The following AKR1B10 variants were observed in gnomAD, a reference collection of about 807,000 sequenced individuals.
The protein encoded by AKR1B10 is ARP.
A neutral mutation model predicts 38.9 loss-of-function variants in AKR1B10; 39 were observed. That is an observed-to-expected ratio of 1.00 (90% confidence interval 0.78 to 1.31). The LOEUF (loss-of-function observed/expected upper bound fraction) is 1.31. Ranked by LOEUF, AKR1B10 falls within the 50% of genes most tolerant of loss-of-function variation. The probability of loss-of-function intolerance (pLI) is 0.00; values close to 1 mark genes in which losing one functional copy is unlikely to be tolerated. For missense variants in AKR1B10, 361 were observed against 382.6 expected (o/e 0.94, Z 0.47); for synonymous variants, 148 against 141.2 (o/e 1.05, Z -0.34).
At chr7:134,528,040 C>G in intron 1 of AKR1B10, 63 bp downstream of exon 1, 1 of 1,588,522 alleles carries the variant, frequency 6.3e-7, no homozygotes, top group Non-Finnish European at 8.6e-7. Flanking sequence ...TTTTCTCTTT[C>G]TGCATTCAGC....
chr7:134,528,067 T>G, intron 1 of AKR1B10, 90 bp downstream of exon 1: 2 of 1,524,826 alleles, frequency 1.3e-6, no homozygotes, highest in Non-Finnish European at 1.8e-6. Context: ...AGCCTGGAGG[T>G]CGGGCAGGGG....
Position 134,530,774 on chromosome 7 carries a change from G to A in AKR1B10, c.198G>A (p.Lys66=). The change falls in exon 2 of 10, where the codon AAG becomes AAA. Residue 66 remains lysine (K), a synonymous_variant. Coordinates refer to ENST00000359579, the MANE Select transcript of AKR1B10 (RefSeq NM_020299.5). ...CCATCCAAGAGAAGATCCAAGAGAA[G>A]GCTGTGAAGCGGGAGGACCTGTTCA... ...GEAIQEKIQE[K]AVKREDLFIV... 1 of 1,613,878 alleles carries A rather than the reference G, an allele frequency of 6.2e-7. No homozygotes were observed. Among genetic ancestry groups the A allele is most frequent in the South Asian group, 1.1e-5 (1 of 91,044 alleles).
chr7:134,541,126 C>G lies in AKR1B10; in HGVS notation c.*37C>G, dbSNP rs1028467015. On this transcript the variant is annotated 3_prime_UTR_variant, in exon 10 of 10. Coordinates refer to ENST00000359579, the MANE Select transcript of AKR1B10 (RefSeq NM_020299.5). ...CTGGTGAGATTATACAGGAGATTCT[C>G]TTTCTTCGCTGAAGTGTGACTACCT... is the stretch of plus-strand genomic sequence containing the variant. 1 of 1,471,544 alleles carries G rather than the reference C, an allele frequency of 6.8e-7. No individual in the cohort carries two copies. Among genetic ancestry groups the G allele is most frequent in the Middle Eastern group, 1.9e-4 (1 of 5,132 alleles). 91.2% of individuals were successfully genotyped at this position (1,471,544 alleles called of 1,614,324 possible).
At chr7:134,540,913 T>TAA (rs1808134056) in intron 9 of AKR1B10, 134 bp from the exon 10 acceptor site, 1 of 683,344 alleles carries the variant, frequency 1.5e-6, no homozygotes, top group Non-Finnish European at 2.5e-6. Context: ...GCACCCTCCT[T>TAA]ATGTTCTTGC....
rs56371030 is a variant in AKR1B10, at chr7:134,536,721, C to A, written c.501C>A (p.Ile167=). 4.3e-6 allele frequency: 7 copies of A among 1,613,898 alleles called. No individual in the cohort carries two copies. The highest frequency in any genetic ancestry group is 5.1e-6 in the Non-Finnish European group (6 of 1,179,830). Residue 167 remains isoleucine (I), a synonymous_variant, in exon 5 of 10, where the codon ATC becomes ATA. Transcript: ENST00000359579. ...LGVSNFSHFQ[I]EKLLNKPGLK... ...TCTCCAATTTCAGCCACTTCCAGATCGAGAAGCTCTTGAACAAACCTGGAC... is the reference window on the plus strand; with the variant it reads ...TCTCCAATTTCAGCCACTTCCAGATAGAGAAGCTCTTGAACAAACCTGGAC...
At position 134,527,867 on chromosome 7, in the gene AKR1B10, C is replaced by T. The variant is rs370157790; in HGVS notation, c.-45C>T. On this transcript the variant is annotated 5_prime_UTR_variant, in exon 1 of 10. It adds an upstream start codon to the 5' untranslated region. Transcript: ENST00000359579. Reference sequence around the variant, plus strand: ...TCAAAAACAGCAACAGAGAGCAGGACGTGAGACTTCTACCTGCTCACTCAG... The same window carrying T: ...TCAAAAACAGCAACAGAGAGCAGGATGTGAGACTTCTACCTGCTCACTCAG... The T allele has an allele frequency of 1.8e-5, 29 of 1,611,574 alleles. No individual in the cohort carries two copies. Among genetic ancestry groups the T allele is most frequent in the East Asian group, 4.5e-5 (2 of 44,800 alleles).
intron 4 of AKR1B10, among the ~76,000 whole-genome samples, chr7:134,534,380 C>T (rs1177072904): frequency 1.3e-5 from 2 of 152,146 alleles, no homozygotes; most frequent in Non-Finnish European, 2.9e-5. Context: ...TCTTGGCCTC[C>T]CAAAGTGCTC....
intron 2 of AKR1B10, 137 bp from the exon 3 acceptor site, chr7:134,531,771 C>T (rs1174279429): frequency 1.3e-5 from 12 of 942,466 alleles, no homozygotes; most frequent in Admixed American, 3.9e-5. Flanking sequence ...CACACTGTGT[C>T]GTGGATCTTA....
chr7:134,531,606 G>A (rs772724692), intron 2 of AKR1B10, among the ~76,000 whole-genome samples: 1 of 152,194 alleles, frequency 6.6e-6, no homozygotes, highest in Non-Finnish European at 1.5e-5. Context: ...GCCTACAGCT[G>A]AGGAAGAGAC....
chr7:134,533,428 A>G (rs1807919724), intron 4 of AKR1B10, among the ~76,000 whole-genome samples: 2 of 152,272 alleles, frequency 1.3e-5, no homozygotes, highest in South Asian at 2.1e-4. Context: ...TAACTCATGT[A>G]GGGCTCAGTT....
intron 4 of AKR1B10, 146 bp from the exon 5 acceptor site, chr7:134,536,504 C>A: frequency 7.5e-7 from 1 of 1,328,714 alleles, no homozygotes; most frequent in Non-Finnish European, 1.0e-6. Flanking sequence ...GGCACCCAGG[C>A]CCTGGACTAA....
chr7:134,538,136 C>T, intron 7 of AKR1B10, 58 bp from the exon 8 acceptor site: 5 of 1,449,850 alleles, frequency 3.4e-6, no homozygotes, highest in South Asian at 1.1e-5. Flanking sequence ...TTCTTCCTTT[C>T]CATAAAAGGA....
chr7:134,528,827 T>G (rs769846694), intron 1 of AKR1B10, among the ~76,000 whole-genome samples: 9 of 152,178 alleles, frequency 5.9e-5, no homozygotes, highest in Non-Finnish European at 1.3e-4. Context: ...GCATCTGCAC[T>G]TTAACAAGAT....
chr7:134,537,762 T>C (rs183218915), intron 7 of AKR1B10, 101 bp downstream of exon 7: 31 of 1,411,524 alleles, frequency 2.2e-5, no homozygotes, highest in East Asian at 1.9e-4. Flanking sequence ...AGGGGAAGAA[T>C]ATAGGAGCTG....
intron 9 of AKR1B10, among the ~76,000 whole-genome samples, chr7:134,539,953 C>T (rs1209576668): frequency 6.6e-6 from 1 of 152,186 alleles, no homozygotes; most frequent in Non-Finnish European, 1.5e-5. Context: ...TTCGGCTGGG[C>T]GTGGTGGCCC....
chr7:134,540,250 G>A lies in AKR1B10; in HGVS notation c.909-797G>A, dbSNP rs1203187176. 3.9e-5 allele frequency among the ~76,000 whole-genome samples: 6 copies of A among 152,144 alleles called. No homozygotes were observed. The South Asian group carries it at 6.2e-4, about 16-fold the overall frequency. ...AAAAAAAGGTTTCAGTATCTCAAGC[G>A]CTGCTTGCATGTCATGATATTCCAT... On this transcript the variant is annotated intron_variant, in intron 9 of 9. Transcript: ENST00000359579.
intron 9 of AKR1B10, among the ~76,000 whole-genome samples, 174 bp from the exon 10 acceptor site, chr7:134,540,873 A>G (rs904014274): frequency 2.0e-5 from 3 of 152,126 alleles, no homozygotes; most frequent in Admixed American, 2.0e-4. Context: ...CAAAGCCCTC[A>G]TATCGATTTG....
At chr7:134,539,426 A>C (rs1466622769) in intron 9 of AKR1B10, among the ~76,000 whole-genome samples, 1 of 152,152 alleles carries the variant, frequency 6.6e-6, no homozygotes, top group Non-Finnish European at 1.5e-5. Context: ...AATCAACTCA[A>C]AATATAGATG....
At chr7:134,538,171 C>A in intron 7 of AKR1B10, 23 bp from the exon 8 acceptor site, 2 of 1,605,932 alleles carry the variant, frequency 1.2e-6, no homozygotes, top group Non-Finnish European at 1.7e-6. Flanking sequence ...TGAGTGGAAG[C>A]CTGATGTCCC....
Sources: gnomAD v4.1 joint callset for allele counts (sites outside exome capture counted in the v4.1 genomes callset) on GRCh38, gnomAD v4.1.1 for gene constraint, MANE v1.5 for transcripts, NCBI Gene and HGNC (gene_info 2026-07-23, HGNC 2026-07-21) for gene names.